The following SMAP2 variants were observed in gnomAD, a reference collection of about 807,000 sequenced individuals.
The protein encoded by SMAP2 is stromal membrane-associated protein 2.
Under a neutral mutation model 56.4 loss-of-function variants are expected in SMAP2, and 25 were observed. The observed-to-expected ratio is 0.44, with a 90% CI of 0.32 to 0.62. The LOEUF is 0.62. Ranked by LOEUF, SMAP2 falls within the 20% of genes least tolerant of loss-of-function variation. The pLI, the probability that SMAP2 is intolerant of heterozygous loss-of-function variation, is 0.04. For synonymous variants in SMAP2, 157 were observed against 181.7 expected, an observed-to-expected ratio of 0.86 and a Z score of 1.09; for missense variants, 388 against 545.6, an observed-to-expected ratio of 0.71 and a Z score of 2.88.
chr1:40,361,063 C>T (rs933097049), intron 1 of SMAP2, among the ~76,000 whole-genome samples: 4 of 152,164 alleles, frequency 2.6e-5, no homozygotes, highest in Non-Finnish European at 1.5e-5. Flanking sequence ...TTGCAGGCAG[C>T]ATAGCTTGCA....
At position 40,410,010 on chromosome 1, in the gene SMAP2, G is replaced by A. The variant is rs572523235; in HGVS notation, c.402+175G>A. ...TAATCCCATCACTTTGGGAGGCTGA[G>A]GTGGGAGGATCACTTGAACCTAGAA... On this transcript the variant is annotated intron_variant, in intron 4 of 9. Transcript: ENST00000372718. Among the ~76,000 whole-genome samples the A allele has an allele frequency of 6.6e-5, 10 of 152,256 alleles. 2 individuals carry two copies. In the South Asian group the frequency reaches 1.7e-3, roughly 25 times the overall value.
chr1:40,399,310 A>ATTT (rs747127620), intron 1 of SMAP2, among the ~76,000 whole-genome samples: 10,131 of 91,584 alleles, frequency 0.11, 993 homozygotes, highest in Middle Eastern at 0.15. Context: ...ACGTGTGGCT[A>ATTT]TTTTTTTTTT....
chr1:40,417,956 C>G (rs1318623820), intron 9 of SMAP2, among the ~76,000 whole-genome samples: 1 of 151,938 alleles, frequency 6.6e-6, no homozygotes, highest in Non-Finnish European at 1.5e-5. Context: ...AAAAATGAAC[C>G]AAACATGGAA....
chr1:40,391,006 G>A (rs138185101), intron 1 of SMAP2, among the ~76,000 whole-genome samples: 107 of 152,248 alleles, frequency 7.0e-4, no homozygotes, highest in African/African-American at 2.5e-3. Context: ...GACATTTTGG[G>A]TGATTCCTTG....
In SMAP2 at chr1:40,411,439, GC is replaced by G. The variant is rs373156316; in HGVS notation, c.403-1576del. On this transcript the variant is annotated intron_variant, in intron 4 of 9. Coordinates refer to ENST00000372718, the MANE Select transcript of SMAP2 (RefSeq NM_022733.3). ...ATTCAGATGACGAAGGAGTAGAGTT[GC>G]TATTTGTACACAGCTATTGTGGAAA... Among the ~76,000 whole-genome samples, 32 of 152,306 alleles carry G rather than the reference GC, an allele frequency of 2.1e-4. No individual in the cohort carries two copies. In the East Asian group the frequency reaches 5.2e-3, roughly 25 times the overall value.
At chr1:40,359,877 A>G (rs1215022395) in intron 1 of SMAP2, among the ~76,000 whole-genome samples, 1 of 151,940 alleles carries the variant, frequency 6.6e-6, no homozygotes, top group African/African-American at 2.4e-5. Flanking sequence ...TGGACTGTCT[A>G]TGTCTTGAAA....
chr1:40,403,983 A>G (rs1447383668), intron 1 of SMAP2, among the ~76,000 whole-genome samples: 1 of 152,224 alleles, frequency 6.6e-6, no homozygotes, highest in South Asian at 2.1e-4. Flanking sequence ...CTGTAGTCCC[A>G]GCTACATGGG....
chr1:40,378,981 C>CTTTTT (rs11353360), intron 1 of SMAP2, among the ~76,000 whole-genome samples: 1 of 134,966 alleles, frequency 7.4e-6, no homozygotes, highest in Non-Finnish European at 1.6e-5. Context: ...CTTTTCTTTT[C>CTTTTT]TTTTTTTTTT....
At chr1:40,347,167 C>T (rs1644389730) in intron 1 of SMAP2, among the ~76,000 whole-genome samples, 1 of 151,364 alleles carries the variant, frequency 6.6e-6, no homozygotes, top group South Asian at 2.1e-4. Context: ...CCTCAGCCTC[C>T]TGAGTAGCTG....
intron 1 of SMAP2, among the ~76,000 whole-genome samples, chr1:40,382,427 C>G (rs1319224269): frequency 6.6e-6 from 1 of 152,176 alleles, no homozygotes; most frequent in Non-Finnish European, 1.5e-5. Flanking sequence ...AAAAATGATG[C>G]CAAGCAAGAT....
At chr1:40,356,565 C>T (rs1441661754) in intron 1 of SMAP2, among the ~76,000 whole-genome samples, 1 of 152,206 alleles carries the variant, frequency 6.6e-6, no homozygotes, top group African/African-American at 2.4e-5. Flanking sequence ...CACCTGCCAC[C>T]ATGCCCAGCT....
intron 3 of SMAP2, among the ~76,000 whole-genome samples, chr1:40,409,208 C>G (rs1644912528): frequency 6.6e-6 from 1 of 152,132 alleles, no homozygotes; most frequent in Non-Finnish European, 1.5e-5. Flanking sequence ...GAGCATAGCA[C>G]CTAGGACACA....
At chr1:40,388,035 GCCGGCCCA>G (rs1244673274) in intron 1 of SMAP2, among the ~76,000 whole-genome samples, 1 of 152,196 alleles carries the variant, frequency 6.6e-6, no homozygotes, top group Non-Finnish European at 1.5e-5. Context: ...CCCCAGCAGT[GCCGGCCCA>G]CCGGCGCTGC....
chr1:40,401,835 G>A (rs919054910), intron 1 of SMAP2, among the ~76,000 whole-genome samples: 12 of 152,164 alleles, frequency 7.9e-5, no homozygotes, highest in African/African-American at 2.4e-4. Flanking sequence ...AGATTTTTCC[G>A]ATACTGAACT....
chr1:40,416,351 A>T lies in SMAP2; in HGVS notation c.847+10A>T. Reference sequence around the variant, plus strand: ...CAAATGCCTACTCAAGGTAGATTTCATGGGTGTCATGGCCATGTGCCAGGT... The same window carrying T: ...CAAATGCCTACTCAAGGTAGATTTCTTGGGTGTCATGGCCATGTGCCAGGT... On this transcript the variant is annotated intron_variant, in intron 8 of 9. Transcript: ENST00000372718. 5.6e-6 allele frequency: 9 copies of T among 1,610,372 alleles called. No homozygotes were observed. The highest frequency in any genetic ancestry group is 7.6e-6 in the Non-Finnish European group (9 of 1,178,394).
chr1:40,351,134 C>T (rs569708095), intron 1 of SMAP2, among the ~76,000 whole-genome samples: 2 of 152,154 alleles, frequency 1.3e-5, no homozygotes. Flanking sequence ...TCTGGAGCAC[C>T]CCAGCTTTGA....
chr1:40,401,888 A>G lies in SMAP2; in HGVS notation c.104-4848A>G, dbSNP rs1049225920. ...ATTTCTTGACTGATCAACCAAATCC[A>G]TCTCCATCTACTTTTTTCATTTTCC... On this transcript the variant is annotated intron_variant, in intron 1 of 9. Coordinates refer to ENST00000372718, the MANE Select transcript of SMAP2 (RefSeq NM_022733.3). Among the ~76,000 whole-genome samples, 5 of 152,134 alleles carry G rather than the reference A, an allele frequency of 3.3e-5. No homozygotes were observed. The East Asian group carries it at 9.6e-4, about 29-fold the overall frequency.
At chr1:40,410,693 GTTTAGAATCTGCAA>G (rs1313971021) in intron 4 of SMAP2, among the ~76,000 whole-genome samples, 2 of 152,088 alleles carry the variant, frequency 1.3e-5, no homozygotes, top group Non-Finnish European at 2.9e-5. Context: ...TCCTAGGCAT[GTTTAGAATCTGCAA>G]TACAGTATAT....
chr1:40,397,739 CAAGATATT>C (rs1644786509), intron 1 of SMAP2, among the ~76,000 whole-genome samples: 1 of 152,032 alleles, frequency 6.6e-6, no homozygotes, highest in African/African-American at 2.4e-5. Flanking sequence ...GCAACTCGAA[CAAGATATT>C]AAGTATTAGA....
Sources: allele counts gnomAD v4.1 joint callset (sites outside exome capture counted in the v4.1 genomes callset), GRCh38; gene constraint gnomAD v4.1.1; transcripts MANE v1.5; gene names NCBI Gene and HGNC (gene_info 2026-07-23, HGNC 2026-07-21).